The following PTK2 variants were observed in gnomAD, a reference collection of about 807,000 sequenced individuals.
PTK2 encodes focal adhesion kinase 1.
Under a neutral mutation model 150.1 loss-of-function variants are expected in PTK2, and 45 were observed. The ratio of observed to expected loss-of-function variants is 0.30; its 90% CI spans 0.24 to 0.38. The LOEUF (loss-of-function observed/expected upper bound fraction) is 0.38, where lower values mean the gene tolerates loss of function less well. Ranked by LOEUF, PTK2 falls within the 10% of genes least tolerant of loss-of-function variation. The pLI, the probability that PTK2 is intolerant of heterozygous loss-of-function variation, is 1.00. For missense variants in PTK2, 919 were observed against 1,307.3 expected, an observed-to-expected ratio of 0.70 and a Z score of 4.58; for synonymous variants, 432 against 449.2, an observed-to-expected ratio of 0.96 and a Z score of 0.48.
rs10661609 is a variant in PTK2 at position 140,915,033 on chromosome 8, CAAAAAAAAAA to C, written c.-33+10618_-33+10627del. 3.8e-5 allele frequency among the ~76,000 whole-genome samples: 2 copies of C among 53,088 alleles called. 1 individual carries two copies. Among genetic ancestry groups the C allele is most frequent in the South Asian group, 1.5e-3 (2 of 1,356 alleles). The allele number at this position is 53,088 out of a possible 152,430, so 34.8% of individuals were successfully genotyped here. A position where few individuals can be genotyped will look rare whatever the true frequency, so the allele number is the denominator to read the frequency against. On this transcript the variant is annotated intron_variant, in intron 2 of 31. Coordinates refer to ENST00000522684, the Ensembl canonical transcript of PTK2. ...GGGCAACAAGAACGAAACTCCAACTCAAAAAAAAAAAAAAAAAAAAAAGTCTACTACGTCT... is the reference window on the plus strand; with the variant it reads ...GGGCAACAAGAACGAAACTCCAACTCAAAAAAAAAAAAGTCTACTACGTCT...
chr8:140,904,440 A>G (rs1318485123), intron 2 of PTK2, among the ~76,000 whole-genome samples: 4 of 152,204 alleles, frequency 2.6e-5, no homozygotes, highest in Admixed American at 2.6e-4. Flanking sequence ...TTCATCAGGC[A>G]TATCGGCCTG....
intron 22 of PTK2, 113 bp downstream of exon 25, chr8:140,735,138 A>G (rs893538321): frequency 2.0e-6 from 2 of 987,676 alleles, no homozygotes; most frequent in Non-Finnish European, 3.0e-6. Flanking sequence ...TGAACGAAAA[A>G]TAGTTCGGCC....
At chr8:140,771,458 G>A (rs2100075456) in intron 14 of PTK2, 1 of 152,190 alleles carries the variant, frequency 6.6e-6, no homozygotes, top group African/African-American at 2.4e-5. Context: ...GAGAAAATAA[G>A]CAGCAACTGC....
chr8:140,772,981 T>C (rs985200336), intron 14 of PTK2, among the ~76,000 whole-genome samples: 5 of 152,204 alleles, frequency 3.3e-5, no homozygotes, highest in African/African-American at 1.2e-4. Context: ...AAAATGGGGT[T>C]ATAACAGAAG....
intron 1 of PTK2, among the ~76,000 whole-genome samples, chr8:140,990,855 C>T (rs2100195463): frequency 6.6e-6 from 1 of 152,110 alleles, no homozygotes; most frequent in African/African-American, 2.4e-5. Context: ...GGGGCTTTCA[C>T]ATATCTATAT....
chr8:140,716,236 G>A (rs914827840), intron 23 of PTK2, among the ~76,000 whole-genome samples: 1 of 152,134 alleles, frequency 6.6e-6, no homozygotes, highest in Non-Finnish European at 1.5e-5. Flanking sequence ...GGCCTGAGAA[G>A]TTAATGATGA....
intron 8 of PTK2, among the ~76,000 whole-genome samples, chr8:140,823,981 TCTTATTTCTCAGCATCTGATGA>T (rs1348156941): frequency 6.6e-6 from 1 of 152,222 alleles, no homozygotes; most frequent in Non-Finnish European, 1.5e-5. Context: ...TCTCTTGGCC[TCTTATTTCTCAGCATCTGATGA>T]CTAAGAATCT....
intron 1 of PTK2, among the ~76,000 whole-genome samples, chr8:140,955,089 T>C (rs1337504771): frequency 6.6e-6 from 1 of 152,252 alleles, no homozygotes; most frequent in Non-Finnish European, 1.5e-5. Flanking sequence ...CAAAGTTAGC[T>C]AACAAATTCA....
intron 8 of PTK2, among the ~76,000 whole-genome samples, chr8:140,819,622 T>C (rs2100106942): frequency 6.6e-6 from 1 of 152,182 alleles, no homozygotes. Flanking sequence ...GGAGAACTAA[T>C]CTACTGGCAT....
rs2100128425 is a variant in PTK2, at chr8:140,850,358, G to A, written c.451-3680C>T. On this transcript the variant is annotated intron_variant, in intron 5 of 31. Coordinates refer to ENST00000522684, the Ensembl canonical transcript of PTK2. ...GGAGAATTGCTTGAACCCAGGAGGC[G>A]GAGGTTGCAGAGAGCCAAGATCGTG... Among the ~76,000 whole-genome samples the A allele has an allele frequency of 3.3e-5, 5 of 152,086 alleles. 1 individual carries two copies. The South Asian group carries it at 1.0e-3, about 32-fold the overall frequency.
At chr8:140,838,453 A>G (rs770192236) in intron 7 of PTK2, among the ~76,000 whole-genome samples, 12 of 152,214 alleles carry the variant, frequency 7.9e-5, no homozygotes, top group Non-Finnish European at 1.8e-4. Context: ...CACTGGCATC[A>G]GCCTTTACAA....
chr8:140,773,832 T>C (rs2100076912), intron 14 of PTK2, among the ~76,000 whole-genome samples: 1 of 152,218 alleles, frequency 6.6e-6, no homozygotes, highest in Non-Finnish European at 1.5e-5. Flanking sequence ...AATGTGAAGA[T>C]AATGGGTAAG....
rs114514246 is a variant in PTK2 at position 140,929,820 on chromosome 8, G to T, written c.-121-4071C>A. Among the ~76,000 whole-genome samples the T allele has an allele frequency of 7.4e-3, 1,124 of 151,826 alleles. 12 individuals are homozygous for T. The highest frequency in any genetic ancestry group is 0.025 in the African/African-American group (1,039 of 41,362). On this transcript the variant is annotated intron_variant, in intron 1 of 31. Transcript: ENST00000522684. ...CGTCGGTTAAATAAAGTTTAAAATG[G>T]TATGTATTTTTCAGTTATGATAATT... is the stretch of plus-strand genomic sequence containing the variant.
intron 5 of PTK2, among the ~76,000 whole-genome samples, chr8:140,849,197 G>A (rs1182157977): frequency 6.6e-6 from 1 of 152,122 alleles, no homozygotes; most frequent in African/African-American, 2.4e-5. Flanking sequence ...ATTCTGCAAA[G>A]AGTATAGATC....
At chr8:140,985,287 C>A (rs1452383661) in intron 1 of PTK2, among the ~76,000 whole-genome samples, 1 of 152,056 alleles carries the variant, frequency 6.6e-6, no homozygotes, top group African/African-American at 2.4e-5. Context: ...CCATGCCCAA[C>A]TAATTTTGTT....
intron 2 of PTK2, among the ~76,000 whole-genome samples, chr8:140,893,507 T>C (rs1225427908): frequency 6.6e-6 from 1 of 152,156 alleles, no homozygotes; most frequent in Non-Finnish European, 1.5e-5. Context: ...GGAGGAACCT[T>C]GAGAACATTA....
At chr8:140,681,759 A>T (rs1463560294) in intron 27 of PTK2, among the ~76,000 whole-genome samples, 1 of 152,208 alleles carries the variant, frequency 6.6e-6, no homozygotes, top group Non-Finnish European at 1.5e-5. Context: ...CCTGGGCCAC[A>T]GAGCGAGACT....
intron 11 of PTK2, among the ~76,000 whole-genome samples, chr8:140,802,577 C>T (rs2100095760): frequency 6.6e-6 from 1 of 152,028 alleles, no homozygotes; most frequent in African/African-American, 2.4e-5. Flanking sequence ...ACAGTAATGT[C>T]GTAGATCTTC....
At chr8:140,669,301 G>GTATGTATGTATA (rs547959878) in intron 29 of PTK2, 7 of 97,984 alleles carry the variant, frequency 7.1e-5, no homozygotes, top group African/African-American at 3.3e-4. Flanking sequence ...GCATAAAATG[G>GTATGTATGTATA]TATATATATA....
Sources: gnomAD v4.1 joint callset for allele counts (sites outside exome capture counted in the v4.1 genomes callset) on GRCh38, gnomAD v4.1.1 for gene constraint, MANE v1.5 for transcripts, NCBI Gene and HGNC (gene_info 2026-07-23, HGNC 2026-07-21) for gene names.